The following ARSF variants were observed in gnomAD, a reference collection of about 807,000 sequenced individuals.
The protein encoded by ARSF is arylsulfatase F.
A neutral mutation model predicts 35.4 loss-of-function variants in ARSF; 33 were observed. The observed-to-expected ratio is 0.93, with a 90% CI of 0.71 to 1.25. ARSF has a LOEUF of 1.25. ARSF is among the 50% of genes most tolerant of loss of function. The pLI is 0.00. For missense variants in ARSF, 501 were observed against 480.2 expected, an observed-to-expected ratio of 1.04 and a Z score of -0.40; for synonymous variants, 222 against 193.1, an observed-to-expected ratio of 1.15 and a Z score of -1.24.
At chrX:3,101,657 A>G (rs1484587437) in intron 8 of ARSF, among the ~76,000 whole-genome samples, 1 of 111,618 alleles carries the variant, frequency 9.0e-6, no homozygotes, top group Non-Finnish European at 1.9e-5. Flanking sequence ...CCAAGGATAT[A>G]GTACAGCATA....
At chrX:3,072,227 A>G in intron 3 of ARSF, 52 bp downstream of exon 3, 1 of 1,169,656 alleles carries the variant, frequency 8.5e-7, no homozygotes, top group Non-Finnish European at 1.2e-6. Context: ...CAGGTTCAGC[A>G]GGCTGGCTGT....
intron 1 of ARSF, among the ~76,000 whole-genome samples, chrX:3,061,734 T>TGG (rs2090042813): frequency 9.0e-6 from 1 of 111,670 alleles, no homozygotes; most frequent in Admixed American, 9.6e-5. Context: ...AAGGGATCAA[T>TGG]TCAACAAGAA....
chrX:3,079,993 GA>G, intron 4 of ARSF, among the ~76,000 whole-genome samples: 1 of 80,660 alleles, frequency 1.2e-5, no homozygotes, highest in South Asian at 6.3e-4. Flanking sequence ...AAAAAAAAAA[GA>G]GAGAGAGAGA....
chrX:3,110,289 G>T (rs1000337888), intron 10 of ARSF, 37 bp downstream of exon 10: 3 of 1,114,897 alleles, frequency 2.7e-6, no homozygotes, highest in Non-Finnish European at 3.6e-6. Flanking sequence ...TTCCCTGCCA[G>T]GAGCAGGGTC....
At chrX:3,088,889 G>A (rs2090267988) in intron 6 of ARSF, among the ~76,000 whole-genome samples, 1 of 111,077 alleles carries the variant, frequency 9.0e-6, no homozygotes, top group Admixed American at 9.6e-5. Flanking sequence ...GGAGTTCTGG[G>A]CTGGATTTTT....
rs759385321 is a variant in ARSF, at chrX:3,067,840, C to T, written c.-28-233C>T. On this transcript the variant is annotated intron_variant, in intron 1 of 10. Coordinates refer to ENST00000381127, the MANE Select transcript of ARSF (RefSeq NM_001201539.2). ...CACCACTGCACTCCAGCCTGGGTGA[C>T]AGCGAGACTCCGGCTCAAAAAAAAA... 8.7e-5 allele frequency among the ~76,000 whole-genome samples: 9 copies of T among 103,166 alleles called. No homozygotes were observed. The South Asian group carries it at 4.0e-3, about 46-fold the overall frequency. 89.6% of individuals were successfully genotyped at this position (103,166 alleles called of 115,157 possible).
chrX:3,108,407 CTT>C (rs2090423573), intron 9 of ARSF, among the ~76,000 whole-genome samples: 1 of 111,867 alleles, frequency 8.9e-6, no homozygotes, highest in Admixed American at 9.5e-5. Context: ...TCTTAAAAAA[CTT>C]TGAATTTTCC....
At chrX:3,111,846 C>T (rs149556736) in intron 10 of ARSF, among the ~76,000 whole-genome samples, 6 of 109,598 alleles carry the variant, frequency 5.5e-5, no homozygotes, top group Admixed American at 5.0e-4. Flanking sequence ...GATTCTCATA[C>T]GTAGCCTGCA....
At chrX:3,112,125 A>G in intron 10 of ARSF, 49 bp from the exon 11 acceptor site, 1 of 1,075,838 alleles carries the variant, frequency 9.3e-7, no homozygotes, top group Non-Finnish European at 1.3e-6. Flanking sequence ...TCTTCCTTTG[A>G]TCTGGCTGAA....
chrX:3,083,719 T>G (rs1443791292), intron 5 of ARSF, among the ~76,000 whole-genome samples: 3 of 112,008 alleles, frequency 2.7e-5, no homozygotes, highest in African/African-American at 9.7e-5. Context: ...TATCTATATA[T>G]CTACCTACCT....
chrX:3,079,030 T>C (rs1057164094), intron 4 of ARSF, among the ~76,000 whole-genome samples: 1 of 111,092 alleles, frequency 9.0e-6, no homozygotes, highest in African/African-American at 3.3e-5. Flanking sequence ...AAAGGAATCA[T>C]ACAGTATGTG....
intron 6 of ARSF, 29 bp from the exon 7 acceptor site, chrX:3,089,467 C>T (rs370341359): frequency 4.0e-5 from 48 of 1,206,535 alleles, no homozygotes; most frequent in Non-Finnish European, 5.2e-5. Flanking sequence ...ATTGAAAACT[C>T]ACAAGTAGTT....
chrX:3,109,804 A>C (rs1429456332), intron 9 of ARSF, among the ~76,000 whole-genome samples: 1 of 112,603 alleles, frequency 8.9e-6, no homozygotes, highest in African/African-American at 3.2e-5. Context: ...ATTGCAAATG[A>C]AGTTCAGATT....
At chrX:3,054,708 A>T (rs779687188) in intron 1 of ARSF, among the ~76,000 whole-genome samples, 2 of 107,935 alleles carry the variant, frequency 1.9e-5, no homozygotes, top group Non-Finnish European at 3.8e-5. Flanking sequence ...AATAAATCCA[A>T]CCTTTAGGAT....
At chrX:3,097,368 G>A (rs1290212102) in intron 7 of ARSF, among the ~76,000 whole-genome samples, 1 of 112,101 alleles carries the variant, frequency 8.9e-6, no homozygotes, top group African/African-American at 3.2e-5. Context: ...AAGGCCCTAT[G>A]CAAACTGAGG....
intron 1 of ARSF, among the ~76,000 whole-genome samples, chrX:3,044,493 G>A (rs2089967173): frequency 9.0e-6 from 1 of 110,826 alleles, no homozygotes; most frequent in African/African-American, 3.3e-5. Flanking sequence ...GAATCATCAG[G>A]TCACACAAAC....
intron 10 of ARSF, 60 bp from the exon 11 acceptor site, chrX:3,112,114 T>C (rs1158140003): frequency 6.7e-6 from 7 of 1,043,163 alleles, no homozygotes; most frequent in Non-Finnish European, 9.2e-6. Flanking sequence ...ACACTAGGAC[T>C]TCTTCCTTTG....
intron 7 of ARSF, among the ~76,000 whole-genome samples, chrX:3,093,710 T>G (rs5939440): frequency 0.22 from 24,055 of 110,986 alleles, 1,966 homozygotes; most frequent in Middle Eastern, 0.31. Context: ...CAAGTGCCTG[T>G]GTCTATTTGG....
rs765445626 is a variant in ARSF at position 3,084,310 on chromosome X, G to A, written c.474G>A (p.Gly158=). Residue 158 remains glycine, a synonymous_variant, in exon 6 of 11, where the codon GGG becomes GGA. Coordinates refer to ENST00000381127, the MANE Select transcript of ARSF (RefSeq NM_001201539.2). ...SDQCHHPYNY[G]FDYYYGMPFT... ...AGTGCCACCATCCATATAATTATGG[G>A]TTTGACTACTACTATGGCATGCCGT... 8.3e-7 allele frequency: 1 copy of A among 1,211,650 alleles called. No individual in the cohort carries two copies. The highest frequency in any genetic ancestry group is 3.0e-5 in the East Asian group (1 of 33,833).
Sources: gnomAD v4.1 joint callset for allele counts (sites outside exome capture counted in the v4.1 genomes callset) on GRCh38, gnomAD v4.1.1 for gene constraint, MANE v1.5 for transcripts, NCBI Gene and HGNC (gene_info 2026-07-23, HGNC 2026-07-21) for gene names.